The following MSL2 variants were observed in gnomAD, a reference collection of about 807,000 sequenced individuals.
MSL2 encodes E3 ubiquitin-protein ligase MSL2.
In MSL2, 2 loss-of-function variants were observed where a neutral mutation model predicts 35.8. The ratio of observed to expected loss-of-function variants is 0.06; its 90% CI spans 0.02 to 0.18. The LOEUF (loss-of-function observed/expected upper bound fraction) is 0.18. MSL2 is among the 10% of genes least tolerant of loss of function. The pLI, the probability that MSL2 is intolerant of heterozygous loss-of-function variation, is 1.00. For synonymous variants in MSL2, 296 were observed against 255.7 expected (o/e 1.16, Z -1.50); for missense variants, 523 against 706.7 (o/e 0.74, Z 2.95).
At chr3:136,182,636 G>A (rs1940401360) in intron 1 of MSL2, among the ~76,000 whole-genome samples, 2 of 151,732 alleles carry the variant, frequency 1.3e-5, no homozygotes, top group South Asian at 2.1e-4. Flanking sequence ...GCGAAGCACA[G>A]AGATGAGAGA....
intron 1 of MSL2, among the ~76,000 whole-genome samples, chr3:136,187,638 C>A (rs1232724572): frequency 1.3e-5 from 2 of 151,882 alleles, no homozygotes; most frequent in Non-Finnish European, 2.9e-5. Flanking sequence ...CCACTGCACT[C>A]CAGCCTGGGT....
intron 1 of MSL2, among the ~76,000 whole-genome samples, chr3:136,157,386 C>A (rs2108063451): frequency 6.6e-6 from 1 of 152,284 alleles, no homozygotes; most frequent in East Asian, 1.9e-4. Context: ...CACCTGTAAT[C>A]CCAGCTACTC....
intron 1 of MSL2, among the ~76,000 whole-genome samples, chr3:136,181,019 G>A (rs1403777139): frequency 1.3e-5 from 2 of 151,686 alleles, no homozygotes; most frequent in Non-Finnish European, 2.9e-5. Context: ...CAGGCATGGT[G>A]GCACATGCCT....
At chr3:136,178,387 A>G (rs961695449) in intron 1 of MSL2, among the ~76,000 whole-genome samples, 1 of 152,144 alleles carries the variant, frequency 6.6e-6, no homozygotes, top group African/African-American at 2.4e-5. Flanking sequence ...ATTAAGATCC[A>G]AATTTCCCAA....
rs563136791 is a variant in MSL2, at chr3:136,177,534, C to G, written c.142+17438G>C. ...CTAAAAATACAAAAAACAAAATTAG[C>G]CGGGCATGGTGGTGGGCACCTGTAG... On this transcript the variant is annotated intron_variant, in intron 1 of 1. Transcript: ENST00000309993. 2.0e-5 allele frequency among the ~76,000 whole-genome samples: 3 copies of G among 152,074 alleles called. No homozygotes were observed. In the East Asian group the frequency reaches 5.8e-4, roughly 29 times the overall value.
At chr3:136,178,537 T>TC (rs1940247012) in intron 1 of MSL2, among the ~76,000 whole-genome samples, 1 of 151,354 alleles carries the variant, frequency 6.6e-6, no homozygotes, top group Non-Finnish European at 1.5e-5. Flanking sequence ...TGGCACTTTT[T>TC]TTTTTTTTTT....
At chr3:136,183,549 G>A (rs959086822) in intron 1 of MSL2, among the ~76,000 whole-genome samples, 2 of 152,098 alleles carry the variant, frequency 1.3e-5, no homozygotes, top group Non-Finnish European at 2.9e-5. Context: ...AGCCTCCCAA[G>A]GGTCTGTGAC....
At chr3:136,194,496 C>CG (rs1940780142) in intron 1 of MSL2, 2 of 981,220 alleles carry the variant, frequency 2.0e-6, no homozygotes, top group African/African-American at 3.5e-5. Flanking sequence ...AGTTCCGCGC[C>CG]GGGTTCTCCA....
chr3:136,190,669 TA>T (rs1267905538), intron 1 of MSL2, among the ~76,000 whole-genome samples: 1 of 152,196 alleles, frequency 6.6e-6, no homozygotes, highest in Non-Finnish European at 1.5e-5. Flanking sequence ...TTTGATTGTA[TA>T]CATCAGACTT....
chr3:136,163,655 T>C (rs1939767737), intron 1 of MSL2, among the ~76,000 whole-genome samples: 1 of 152,150 alleles, frequency 6.6e-6, no homozygotes, highest in Non-Finnish European at 1.5e-5. Context: ...ATGATATAAT[T>C]AGGCTTTGTG....
At position 136,195,309 on chromosome 3, in the gene MSL2, C is replaced by T; in HGVS notation, c.-196G>A. 7.2e-7 allele frequency: 1 copy of T among 1,381,306 alleles called. No homozygotes were observed. Among genetic ancestry groups the T allele is most frequent in the Non-Finnish European group, 9.3e-7 (1 of 1,072,468 alleles). The allele number at this position is 1,381,306 out of a possible 1,614,324, so 85.6% of individuals were successfully genotyped here. A position where few individuals can be genotyped will look rare whatever the true frequency, so the allele number is the denominator to read the frequency against. On this transcript the variant is annotated 5_prime_UTR_variant, in exon 1 of 2. Transcript: ENST00000309993. ...CTCCCACACATGGGGCCTTGGCGCC[C>T]CTCCGTCCCTGAGACTTCCAGACCA...
In MSL2 at chr3:136,195,579, T is replaced by C. The variant is rs796401126; in HGVS notation, c.-466A>G. On this transcript the variant is annotated 5_prime_UTR_variant, in exon 1 of 2. The change abolishes the stop of an existing upstream ORF in the 5' untranslated region. Coordinates refer to ENST00000309993, the MANE Select transcript of MSL2 (RefSeq NM_018133.4). ...GCTTCTCCCGGGCTGCAGGGCCTCT[T>C]ACTCCATCCCAGTACAGGGCGCGGA... is the stretch of plus-strand genomic sequence containing the variant. 111 of 996,386 alleles carry C rather than the reference T, an allele frequency of 1.1e-4. No individual in the cohort carries two copies. The African/African-American group carries it at 1.8e-3, about 16-fold the overall frequency. The allele number at this position is 996,386 out of a possible 1,614,324, so 61.7% of individuals were successfully genotyped here.
At chr3:136,192,477 T>C (rs1454349514) in intron 1 of MSL2, among the ~76,000 whole-genome samples, 1 of 152,032 alleles carries the variant, frequency 6.6e-6, no homozygotes, top group Admixed American at 6.6e-5. Context: ...AGAAGTAACT[T>C]TTTGCTGCAG....
rs1026173533 is a variant in MSL2 at position 136,150,480 on chromosome 3, G to A, written c.*667C>T. 2 of 152,656 alleles carry A rather than the reference G, an allele frequency of 1.3e-5. No homozygotes were observed. Among genetic ancestry groups the A allele is most frequent in the Admixed American group, 1.3e-4 (2 of 15,278 alleles). The allele number at this position is 152,656 out of a possible 1,614,324, so 9.5% of individuals were successfully genotyped here. A position where few individuals can be genotyped will look rare whatever the true frequency, so the allele number is the denominator to read the frequency against. On this transcript the variant is annotated 3_prime_UTR_variant, in exon 2 of 2. Coordinates refer to ENST00000309993, the MANE Select transcript of MSL2 (RefSeq NM_018133.4). ...CTGCTCAAAGTGAAGGAGGGATTTA[G>A]AATTTCTTCCCTAGAAATGAGTAAC...
intron 1 of MSL2, among the ~76,000 whole-genome samples, chr3:136,179,647 GA>G (rs373108836): frequency 1.1e-4 from 16 of 151,668 alleles, no homozygotes; most frequent in Admixed American, 2.0e-4. Flanking sequence ...TGATTTGAAG[GA>G]AAAAAAACTA....
chr3:136,151,425 T>TA lies in MSL2; in HGVS notation c.1455dup (p.Asn486Ter). Reference sequence around the variant, plus strand: ...ATACAATCTAAGCAGGCTTTGCGGTTAGAGTAGCAAGGGCAGCGTTGGCCT... The same window carrying TA: ...ATACAATCTAAGCAGGCTTTGCGGTTAAGAGTAGCAAGGGCAGCGTTGGCCT... On this transcript the variant is annotated frameshift_variant, in exon 2 of 2. Coordinates refer to ENST00000309993, the MANE Select transcript of MSL2 (RefSeq NM_018133.4). LOFTEE classifies it high-confidence loss of function. The surrounding 1 kb of genome is among the most constrained non-coding windows in gnomAD (Gnocchi z 5.2). 6.2e-7 allele frequency: 1 copy of TA among 1,614,206 alleles called. No individual in the cohort carries two copies. The highest frequency in any genetic ancestry group is 8.5e-7 in the Non-Finnish European group (1 of 1,180,036).
intron 1 of MSL2, among the ~76,000 whole-genome samples, chr3:136,184,016 C>A (rs995680387): frequency 6.6e-6 from 1 of 152,196 alleles, no homozygotes; most frequent in Non-Finnish European, 1.5e-5. Flanking sequence ...ATGGTCCTGG[C>A]CAGGCGTGGT....
chr3:136,154,061 C>T lies in MSL2; in HGVS notation c.143-1323G>A, dbSNP rs190411517. Reference sequence around the variant, plus strand: ...TTGTGTCACTGCACTCCAGCCTGGGCGACAAGAGCAAAACTCCGTCTCATT... The same window carrying T: ...TTGTGTCACTGCACTCCAGCCTGGGTGACAAGAGCAAAACTCCGTCTCATT... On this transcript the variant is annotated intron_variant, in intron 1 of 1. Coordinates refer to ENST00000309993, the MANE Select transcript of MSL2 (RefSeq NM_018133.4). Among the ~76,000 whole-genome samples the T allele has an allele frequency of 3.4e-4, 49 of 144,982 alleles. No individual in the cohort carries two copies. The East Asian group carries it at 8.0e-3, about 24-fold the overall frequency.
intron 1 of MSL2, among the ~76,000 whole-genome samples, chr3:136,185,218 C>T (rs941384234): frequency 4.0e-5 from 6 of 151,626 alleles, no homozygotes; most frequent in East Asian, 1.9e-4. Context: ...TCAAAGGATC[C>T]GCCAGCCCTA....
Sources: gnomAD v4.1 joint callset for allele counts (sites outside exome capture counted in the v4.1 genomes callset) on GRCh38, gnomAD v4.1.1 for gene constraint, Gnocchi (gnomAD v3.1) non-coding constraint, MANE v1.5 for transcripts, NCBI Gene and HGNC (gene_info 2026-07-23, HGNC 2026-07-21) for gene names.